The following LLGL1 variants were observed in gnomAD, a reference collection of about 807,000 sequenced individuals.
The protein encoded by LLGL1 is lethal(2) giant larvae protein homolog 1.
LLGL1 carries 58 observed loss-of-function variants against 110.6 expected under a neutral mutation model. The observed-to-expected ratio is 0.52, with a 90% CI of 0.42 to 0.65. The LOEUF is 0.65. Ranked by LOEUF, LLGL1 falls within the 30% of genes least tolerant of loss-of-function variation. The probability of loss-of-function intolerance (pLI) is 0.00; values close to 1 mark genes in which losing one functional copy is unlikely to be tolerated. For missense variants in LLGL1, 1,229 were observed against 1,462.1 expected, an observed-to-expected ratio of 0.84 and a Z score of 2.60; for synonymous variants, 674 against 607.2, an observed-to-expected ratio of 1.11 and a Z score of -1.62.
rs775320653 is a variant in LLGL1 at position 18,237,546 on chromosome 17, C to T, written c.1677C>T (p.Leu559=). Residue 559 remains leucine (L), a synonymous_variant, in exon 14 of 23, where the codon CTC becomes CTT. Transcript: ENST00000316843. ...EQAVSVAIID[L]LQDREGFTWK... ...CGGTCAGCGTGGCCATCATAGACCT[C>T]CTCCAGGACCGCGAGGGCTTCACAT... 4 of 1,608,790 alleles carry T rather than the reference C, an allele frequency of 2.5e-6. No individual in the cohort carries two copies. The highest frequency in any genetic ancestry group is 3.4e-6 in the Non-Finnish European group (4 of 1,178,170).
intron 17 of LLGL1, chr17:18,241,103 A>G (rs1364801384): frequency 1.7e-6 from 1 of 588,288 alleles, no homozygotes; most frequent in Non-Finnish European, 2.9e-6. Context: ...ATCTAGTCCT[A>G]TCTCACTGTG....
chr17:18,240,791 A>G lies in LLGL1; in HGVS notation c.2420A>G (p.Tyr807Cys). 6.3e-7 allele frequency: 1 copy of G among 1,593,338 alleles called. No homozygotes were observed. Among genetic ancestry groups the G allele is most frequent in the Non-Finnish European group, 8.6e-7 (1 of 1,168,740 alleles). Reference sequence around the variant, plus strand: ...CGTGGCCGCCCACTGCCCGAGCCCTACGAGGCCTCACGGGACCTGGCGCAG... The same window carrying G: ...CGTGGCCGCCCACTGCCCGAGCCCTGCGAGGCCTCACGGGACCTGGCGCAG... ...DGRGRPLPEP[Y>C]EASRDLAQAP... Residue 807 changes from tyrosine to cysteine, a missense_variant, in exon 17 of 23, where the codon TAC (tyrosine) becomes TGC (cysteine). Transcript: ENST00000316843. The surrounding 1 kb of genome is among the most constrained non-coding windows in gnomAD (Gnocchi z 5.3).
chr17:18,234,835 A>G lies in LLGL1; in HGVS notation c.906-4A>G, dbSNP rs2290506. 240 of 1,614,044 alleles carry G rather than the reference A, an allele frequency of 1.5e-4. 1 individual carries two copies. The East Asian group carries it at 5.3e-3, about 36-fold the overall frequency. Reference sequence around the variant, plus strand: ...ATGGCTCGCACACCTCCCTCTGCACATAGGGGCCACTTTATCATCTTCAGC... The same window carrying G: ...ATGGCTCGCACACCTCCCTCTGCACGTAGGGGCCACTTTATCATCTTCAGC... On this transcript the variant is annotated splice_polypyrimidine_tract_variant and splice_region_variant and intron_variant, in intron 8 of 22. Coordinates refer to ENST00000316843, the MANE Select transcript of LLGL1 (RefSeq NM_004140.4).
rs759975620 is a variant in LLGL1, at chr17:18,234,710, C to G, written c.905+7C>G. 5.6e-6 allele frequency: 9 copies of G among 1,613,912 alleles called. No homozygotes were observed. The highest frequency in any genetic ancestry group is 7.6e-6 in the Non-Finnish European group (9 of 1,180,006). On this transcript the variant is annotated splice_region_variant and intron_variant, in intron 8 of 22. Transcript: ENST00000316843. ...GGCGGAACTGTGAATCTGGGTAGGT[C>G]GAGGGAGTGGGTGTCCGATGTGAGT...
In LLGL1 at chr17:18,237,557, G is replaced by T. The variant is rs377512205; in HGVS notation, c.1688G>T (p.Arg563Leu). 1.2e-6 allele frequency: 2 copies of T among 1,609,624 alleles called. No homozygotes were observed. The highest frequency in any genetic ancestry group is 8.5e-7 in the Non-Finnish European group (1 of 1,178,808). The change falls in exon 14 of 23, where the codon CGC (arginine) becomes CTC (leucine). Residue 563 changes from arginine (R) to leucine (L), a missense_variant. Arg to Leu is a moderately radical substitution (Grantham distance 102). Coordinates refer to ENST00000316843, the MANE Select transcript of LLGL1 (RefSeq NM_004140.4). ...GCCATCATAGACCTCCTCCAGGACCGCGAGGGCTTCACATGGAAGGGCCAC... is the reference window on the plus strand; with the variant it reads ...GCCATCATAGACCTCCTCCAGGACCTCGAGGGCTTCACATGGAAGGGCCAC... The part of the protein sequence containing the change: ...SVAIIDLLQD[R>L]EGFTWKGHER...
In LLGL1 at chr17:18,240,927, C is replaced by G; in HGVS notation, c.2502+54C>G. The G allele has an allele frequency of 6.9e-7, 1 of 1,455,030 alleles. No individual in the cohort carries two copies. The highest frequency in any genetic ancestry group is 9.2e-7 in the Non-Finnish European group (1 of 1,089,082). 90.1% of individuals were successfully genotyped at this position (1,455,030 alleles called of 1,614,324 possible). ...TGGGGGACTCCCCTCCAGGCCCCAA[C>G]CTCATGGACACCATTGGACCCTCAA... is the stretch of plus-strand genomic sequence containing the variant. On this transcript the variant is annotated intron_variant, in intron 17 of 22. Coordinates refer to ENST00000316843, the MANE Select transcript of LLGL1 (RefSeq NM_004140.4). The surrounding 1 kb of genome is among the most constrained non-coding windows in gnomAD (Gnocchi z 5.3).
At chr17:18,226,206 C>T (rs1403376265) in intron 1 of LLGL1, among the ~76,000 whole-genome samples, 1 of 152,254 alleles carries the variant, frequency 6.6e-6, no homozygotes, top group South Asian at 2.1e-4. Context: ...TCTCATTTCT[C>T]TTGCTGCCTG....
intron 16 of LLGL1, among the ~76,000 whole-genome samples, chr17:18,238,972 C>T (rs1342546241): frequency 2.0e-5 from 3 of 152,202 alleles, no homozygotes; most frequent in African/African-American, 7.2e-5. Flanking sequence ...GATCGTACCA[C>T]TGCACTCCAG....
At chr17:18,242,874 T>G in intron 22 of LLGL1, 52 bp downstream of exon 22, 1 of 1,472,918 alleles carries the variant, frequency 6.8e-7, no homozygotes, top group Non-Finnish European at 9.1e-7. Flanking sequence ...TCCACCCCCT[T>G]CAGCCCGTCT....
chr17:18,244,830 T>TA lies in LLGL1; in HGVS notation c.*925dup. ...ATTAGCGCCATTTTAATATTAAAAA[T>TA]ACTGATTTTTAATATTGAAAATAAA... On this transcript the variant is annotated 3_prime_UTR_variant, in exon 23 of 23. Coordinates refer to ENST00000316843, the MANE Select transcript of LLGL1 (RefSeq NM_004140.4). 2.6e-6 allele frequency: 1 copy of TA among 382,660 alleles called. No homozygotes were observed. Among genetic ancestry groups the TA allele is most frequent in the Non-Finnish European group, 4.6e-6 (1 of 216,650 alleles). The allele number at this position is 382,660 out of a possible 1,614,324, so 23.7% of individuals were successfully genotyped here. A position where few individuals can be genotyped will look rare whatever the true frequency, so the allele number is the denominator to read the frequency against.
chr17:18,234,124 C>G lies in LLGL1; in HGVS notation c.663C>G (p.Val221=), dbSNP rs750198503. Residue 221 remains valine (V), a synonymous_variant, in exon 6 of 23, where the codon GTC becomes GTG. Coordinates refer to ENST00000316843, the MANE Select transcript of LLGL1 (RefSeq NM_004140.4). The stretch of plus-strand genomic sequence containing the variant: ...TTGGCTACAGCCGGGGCCTGCTGGT[C>G]ATCTGGAACCAGGCCTCGCAGTGTG... ...ILIGYSRGLL[V]IWNQASQCVD... 6.2e-7 allele frequency: 1 copy of G among 1,611,800 alleles called. No homozygotes were observed. Among genetic ancestry groups the G allele is most frequent in the Admixed American group, 1.7e-5 (1 of 59,896 alleles).
At chr17:18,233,260 G>A (rs1223440746) in intron 4 of LLGL1, among the ~76,000 whole-genome samples, 1 of 152,198 alleles carries the variant, frequency 6.6e-6, no homozygotes. Context: ...GCTGTGCTTG[G>A]TAAGGCGCTG....
In LLGL1 at chr17:18,234,989, G is replaced by A. The variant is rs2047659820; in HGVS notation, c.1056G>A (p.Glu352=). ...DFFTVHSTRP[E]DEFDDPQALA... ...TCACAGTGCACAGCACACGGCCCGA[G>A]GATGGTGCGTGCCCTGCCGTACCCT... Residue 352 remains glutamate, a synonymous_variant, in exon 9 of 23, where the codon GAG becomes GAA. Coordinates refer to ENST00000316843, the MANE Select transcript of LLGL1 (RefSeq NM_004140.4). The A allele has an allele frequency of 1.2e-6, 2 of 1,613,790 alleles. No individual in the cohort carries two copies. The highest frequency in any genetic ancestry group is 1.3e-5 in the African/African-American group (1 of 74,940).
chr17:18,242,924 C>T (rs575670257), intron 22 of LLGL1, 102 bp downstream of exon 22: 50 of 1,136,762 alleles, frequency 4.4e-5, no homozygotes, highest in Non-Finnish European at 5.9e-5. Context: ...GAGACCCTGG[C>T]AGGCCCATGT....
chr17:18,241,652 T>A lies in LLGL1; in HGVS notation c.2704T>A (p.Ser902Thr), dbSNP rs766039892. ...TGGCCTGCGGCCCCAGGTGCACTATTCCTGCATCCGGAAGGAGGACATCAG... is the reference window on the plus strand; with the variant it reads ...TGGCCTGCGGCCCCAGGTGCACTATACCTGCATCCGGAAGGAGGACATCAG... ...VPGLRPQVHY[S>T]CIRKEDISGI... Residue 902 changes from serine to threonine, a missense_variant, in exon 18 of 23, where the codon TCC becomes ACC. Coordinates refer to ENST00000316843, the MANE Select transcript of LLGL1 (RefSeq NM_004140.4). 1.3e-5 allele frequency: 21 copies of A among 1,613,598 alleles called. No homozygotes were observed. In the South Asian group the frequency reaches 2.1e-4, roughly 16 times the overall value.
At chr17:18,227,877 G>A (rs1167237190) in intron 1 of LLGL1, among the ~76,000 whole-genome samples, 2 of 152,212 alleles carry the variant, frequency 1.3e-5, no homozygotes, top group East Asian at 3.9e-4. Flanking sequence ...AGTCACCTAA[G>A]TGGGTAATAG....
rs139860810 is a variant in LLGL1 at position 18,240,801 on chromosome 17, A to C, written c.2430A>C (p.Ser810=). ...CACTGCCCGAGCCCTACGAGGCCTC[A>C]CGGGACCTGGCGCAGGCACCTGACA... ...GRPLPEPYEA[S]RDLAQAPDMQ... is the part of the protein sequence containing the mutation. The change falls in exon 17 of 23, where the codon TCA becomes TCC. Residue 810 remains serine (S), a synonymous_variant. Transcript: ENST00000316843. This position sits in a 1 kb window ranked among gnomAD's most constrained non-coding sequence, Gnocchi z 5.3. 3.6e-4 allele frequency: 571 copies of C among 1,587,972 alleles called. 1 individual carries two copies. The African/African-American group carries it at 6.8e-3, about 19-fold the overall frequency.
rs1276411171 is a variant in LLGL1 at position 18,240,181 on chromosome 17, GT to G, written c.2207-396del. ...AGGGGACGCAGGGGTGGAGAGAGGA[GT>G]CGGGGTCTTGTGGGGCTTGGGGCCT... On this transcript the variant is annotated intron_variant, in intron 16 of 22. Coordinates refer to ENST00000316843, the MANE Select transcript of LLGL1 (RefSeq NM_004140.4). This position sits in a 1 kb window ranked among gnomAD's most constrained non-coding sequence, Gnocchi z 5.3. Among the ~76,000 whole-genome samples the G allele has an allele frequency of 3.0e-4, 45 of 152,152 alleles. 1 individual carries two copies. The highest frequency in any genetic ancestry group is 2.5e-4 in the Non-Finnish European group (17 of 68,022).
At chr17:18,231,398 A>G (rs1269557112) in intron 2 of LLGL1, among the ~76,000 whole-genome samples, 1 of 152,210 alleles carries the variant, frequency 6.6e-6, no homozygotes, top group African/African-American at 2.4e-5. Context: ...CTCAAGCTCC[A>G]GGCAACGGCT....
Sources: gnomAD v4.1 joint callset for allele counts (sites outside exome capture counted in the v4.1 genomes callset) on GRCh38, gnomAD v4.1.1 for gene constraint, Gnocchi (gnomAD v3.1) non-coding constraint, MANE v1.5 for transcripts, NCBI Gene and HGNC (gene_info 2026-07-23, HGNC 2026-07-21) for gene names.